USP8: variants seen among roughly 807,000 people sequenced by gnomAD.
USP8 encodes ubiquitin carboxyl-terminal hydrolase 8.
USP8 carries 27 observed loss-of-function variants against 130.0 expected under a neutral mutation model. The observed-to-expected ratio is 0.21, with a 90% confidence interval of 0.15 to 0.29. The LOEUF (loss-of-function observed/expected upper bound fraction) is 0.29. USP8 is among the 10% of genes least tolerant of loss of function. The probability of loss-of-function intolerance (pLI) is 1.00; values close to 1 mark genes in which losing one functional copy is unlikely to be tolerated. For synonymous variants in USP8, 392 were observed against 444.1 expected (o/e 0.88, Z 1.48); for missense variants, 1,029 against 1,312.2 (o/e 0.78, Z 3.33).
intron 1 of USP8, among the ~76,000 whole-genome samples, chr15:50,437,281 T>C (rs985844195): frequency 6.6e-6 from 1 of 152,204 alleles, no homozygotes; most frequent in African/African-American, 2.4e-5. Flanking sequence ...AAGCTCCTTA[T>C]ATGTATCTCC....
At chr15:50,465,379 G>T (rs1242437153) in intron 7 of USP8, among the ~76,000 whole-genome samples, 188 bp downstream of exon 7, 1 of 152,086 alleles carries the variant, frequency 6.6e-6, no homozygotes, top group Non-Finnish European at 1.5e-5. Context: ...CATTTTAGGA[G>T]CAGAGGTTTA....
intron 4 of USP8, among the ~76,000 whole-genome samples, chr15:50,450,869 A>G (rs150426387): frequency 7.9e-4 from 121 of 152,292 alleles, no homozygotes; most frequent in African/African-American, 2.7e-3. Flanking sequence ...TCTGTAGCAT[A>G]AAAAATGTTA....
chr15:50,489,035 G>A (rs1283998530), intron 12 of USP8, among the ~76,000 whole-genome samples: 1 of 152,100 alleles, frequency 6.6e-6, no homozygotes, highest in Admixed American at 6.6e-5. Flanking sequence ...TGTATCTTAA[G>A]ACATGAAGAA....
rs995158540 is a variant in USP8, at chr15:50,514,191, C to T, written c.*15103C>T. ...GATATACTGTACAATTCCATTTATACGAAGCATAAAATCAGGCAAAAATCT... is the reference window on the plus strand; with the variant it reads ...GATATACTGTACAATTCCATTTATATGAAGCATAAAATCAGGCAAAAATCT... On this transcript the variant is annotated 3_prime_UTR_variant, in exon 20 of 20. Coordinates refer to ENST00000307179, the MANE Select transcript of USP8 (RefSeq NM_005154.5). 3.9e-5 allele frequency: 6 copies of T among 152,114 alleles called. No individual in the cohort carries two copies. The highest frequency in any genetic ancestry group is 5.9e-5 in the Non-Finnish European group (4 of 68,032). The allele number at this position is 152,114 out of a possible 1,614,324, so 9.4% of individuals were successfully genotyped here. A position where few individuals can be genotyped will look rare whatever the true frequency, so the allele number is the denominator to read the frequency against.
intron 3 of USP8, among the ~76,000 whole-genome samples, chr15:50,446,923 G>C (rs2050463047): frequency 6.6e-6 from 1 of 152,064 alleles, no homozygotes; most frequent in Non-Finnish European, 1.5e-5. Flanking sequence ...GAGCCACCTG[G>C]CCTGGCCATC....
rs2052385692 is a variant in USP8 at position 50,495,993 on chromosome 15, A to G, written c.2804A>G (p.Gln935Arg). ...CAGGGTCAATTCAAATCTACAGTAC[A>G]GTGCCTCACATGTCACAAAAAGTCT... ...LFQGQFKSTV[Q>R]CLTCHKKSRT... The change falls in exon 17 of 20, where the codon CAG (glutamine) becomes CGG (arginine). Residue 935 changes from glutamine to arginine, a missense_variant. Gln to Arg is a conservative substitution (Grantham distance 43, BLOSUM62 1). Transcript: ENST00000307179. 1 of 1,614,062 alleles carries G rather than the reference A, an allele frequency of 6.2e-7. No homozygotes were observed.
intron 7 of USP8, among the ~76,000 whole-genome samples, chr15:50,468,281 G>C (rs1377610363): frequency 2.1e-5 from 3 of 144,246 alleles, no homozygotes; most frequent in Admixed American, 7.6e-5. Context: ...TGTTGCTCAG[G>C]CTGGAGTGCA....
intron 6 of USP8, among the ~76,000 whole-genome samples, chr15:50,464,170 TG>T (rs2141283996): frequency 1.3e-5 from 2 of 152,288 alleles, no homozygotes; most frequent in South Asian, 4.1e-4. Flanking sequence ...TGAAAAAATG[TG>T]TAAACAAACT....
chr15:50,489,519 C>T (rs2052081823), intron 12 of USP8: 1 of 164,338 alleles, frequency 6.1e-6, no homozygotes, highest in African/African-American at 2.4e-5. Flanking sequence ...GTCTTCCTCC[C>T]CGTGAACTAC....
intron 10 of USP8, among the ~76,000 whole-genome samples, chr15:50,479,903 C>T (rs1402700035): frequency 6.6e-6 from 1 of 151,986 alleles, no homozygotes; most frequent in East Asian, 1.9e-4. Context: ...GGATTATAGG[C>T]ACATGCCACC....
rs201614043 is a variant in USP8, at chr15:50,460,380, CGCT to C, written c.498+1221_498+1223del. 9.1e-3 allele frequency among the ~76,000 whole-genome samples: 1,305 copies of C among 144,180 alleles called. 18 individuals are homozygous for C. Among genetic ancestry groups the C allele is most frequent in the African/African-American group, 0.032 (1,215 of 38,486 alleles). The allele number at this position is 144,180 out of a possible 152,430, so 94.6% of individuals were successfully genotyped here. ...GGAGTGCAGTGGTGCGATTTCAGCT[CGCT>C]GCAACCTCTGCTTCCCGGGTTCAAC... On this transcript the variant is annotated intron_variant, in intron 5 of 19. Coordinates refer to ENST00000307179, the MANE Select transcript of USP8 (RefSeq NM_005154.5).
Position 50,465,163 on chromosome 15 carries a change from A to G in USP8, c.658A>G (p.Ser220Gly), listed in dbSNP as rs767324330. Reference protein sequence around the residue: ...YQDSCILHSLSVPEEAISPGV... With the variant: ...YQDSCILHSLGVPEEAISPGV... ...GGATTCCTGTATTTTACATTCTCTC[A>G]GTGTTCCTGAAGAAGCCATCAGTCC... Residue 220 changes from serine (S) to glycine (G), a missense_variant, in exon 7 of 20, where the codon AGT (serine) becomes GGT (glycine). Around this residue, in one of 4 missense-constraint regions of USP8, gnomAD observed 281 missense variants for 336.7 expected, o/e 0.83. Transcript: ENST00000307179. The G allele has an allele frequency of 4.3e-6, 7 of 1,613,930 alleles. No homozygotes were observed. Among genetic ancestry groups the G allele is most frequent in the South Asian group, 1.1e-5 (1 of 91,070 alleles).
chr15:50,438,933 A>AT (rs2050164921), intron 1 of USP8, 76 bp from the exon 2 acceptor site: 6 of 592,186 alleles, frequency 1.0e-5, no homozygotes, highest in Non-Finnish European at 1.4e-5. Context: ...ATGGTTTAGG[A>AT]ATTTTTTTTT....
intron 1 of USP8, among the ~76,000 whole-genome samples, chr15:50,434,284 G>A (rs1595898701): frequency 6.6e-6 from 1 of 151,566 alleles, no homozygotes; most frequent in Non-Finnish European, 1.5e-5. Context: ...TGTATTTTTA[G>A]TAGAGATGAG....
In USP8 at chr15:50,505,838, T is replaced by G. The variant is rs1427977341; in HGVS notation, c.*6750T>G. ...GCCATGCACAGTAGCATGCCTGTAG[T>G]CCCAGCTACTTGGCAGGCAGAGGCA... On this transcript the variant is annotated 3_prime_UTR_variant, in exon 20 of 20. Coordinates refer to ENST00000307179, the MANE Select transcript of USP8 (RefSeq NM_005154.5). 6.6e-6 allele frequency: 1 copy of G among 152,280 alleles called. No individual in the cohort carries two copies. The highest frequency in any genetic ancestry group is 1.5e-5 in the Non-Finnish European group (1 of 68,150). 9.4% of individuals were successfully genotyped at this position (152,280 alleles called of 1,614,324 possible). A position where few individuals can be genotyped will look rare whatever the true frequency, so the allele number is the denominator to read the frequency against.
chr15:50,446,917 C>T (rs1206060396), intron 3 of USP8, among the ~76,000 whole-genome samples: 1 of 152,164 alleles, frequency 6.6e-6, no homozygotes, highest in African/African-American at 2.4e-5. Flanking sequence ...AAGCGTGAGC[C>T]ACCTGGCCTG....
intron 17 of USP8, among the ~76,000 whole-genome samples, chr15:50,496,438 G>A (rs545307023): frequency 2.1e-5 from 3 of 142,088 alleles, no homozygotes; most frequent in East Asian, 2.1e-4. Flanking sequence ...CTGAGATCTC[G>A]CCACTGCACT....
rs755885856 is a variant in USP8, at chr15:50,490,324, T to C, written c.2033T>C (p.Met678Thr). The change falls in exon 14 of 20, where the codon ATG (methionine) becomes ACG (threonine). Residue 678 changes from methionine (M) to threonine (T), a missense_variant. By Grantham distance (81) the Met-to-Thr change is moderately conservative. Transcript: ENST00000307179. ...CATTCACCCACCAACACTGTTCATATGTACCCACCGGAAATGGCTCCTTCA... is the reference window on the plus strand; with the variant it reads ...CATTCACCCACCAACACTGTTCATACGTACCCACCGGAAATGGCTCCTTCA... ...YYHSPTNTVH[M>T]YPPEMAPSSA... 18 of 1,613,902 alleles carry C rather than the reference T, an allele frequency of 1.1e-5. No individual in the cohort carries two copies. In the Admixed American group the frequency reaches 3.0e-4, roughly 27 times the overall value.
chr15:50,466,812 A>C (rs937866208), intron 7 of USP8: 5 of 287,026 alleles, frequency 1.7e-5, no homozygotes, highest in Non-Finnish European at 3.4e-5. Context: ...ATCACTCTCT[A>C]TGAGCCACAG....
Sources: gnomAD v4.1 joint callset for allele counts (sites outside exome capture counted in the v4.1 genomes callset) on GRCh38, gnomAD v4.1.1 for gene constraint, gnomAD v4.1.1 regional missense constraint, MANE v1.5 for transcripts, NCBI Gene and HGNC (gene_info 2026-07-23, HGNC 2026-07-21) for gene names.